CDKAL1: variants seen among roughly 807,000 people sequenced by gnomAD.
The protein encoded by CDKAL1 is threonylcarbamoyladenosine tRNA methylthiotransferase.
Under a neutral mutation model 68.2 loss-of-function variants are expected in CDKAL1, and 32 were observed. That is an observed-to-expected ratio of 0.47 (90% CI 0.35 to 0.63). CDKAL1 has a LOEUF of 0.63. Ranked by LOEUF, CDKAL1 falls within the 30% of genes least tolerant of loss-of-function variation. CDKAL1 has a pLI of 0.00. For missense variants in CDKAL1, 606 were observed against 696.7 expected (o/e 0.87, Z 1.47); for synonymous variants, 234 against 244.3 (o/e 0.96, Z 0.39).
intron 4 of CDKAL1, among the ~76,000 whole-genome samples, chr6:20,642,722 C>G (rs1164883337): frequency 8.5e-5 from 13 of 152,136 alleles, no homozygotes; most frequent in Admixed American, 8.5e-4. Flanking sequence ...AATGGAATTT[C>G]ATGAGAATTT....
At chr6:20,931,419 C>T (rs1320603721) in intron 9 of CDKAL1, among the ~76,000 whole-genome samples, 2 of 152,146 alleles carry the variant, frequency 1.3e-5, no homozygotes, top group East Asian at 1.9e-4. Flanking sequence ...ATGTCCTCAT[C>T]GTCATTGCCT....
At chr6:20,911,284 A>G (rs535146667) in intron 9 of CDKAL1, among the ~76,000 whole-genome samples, 1 of 152,240 alleles carries the variant, frequency 6.6e-6, no homozygotes, top group Non-Finnish European at 1.5e-5. Flanking sequence ...AGTAGAACCA[A>G]GAATCAAGAC....
chr6:20,752,759 A>G (rs1004709516), intron 6 of CDKAL1, among the ~76,000 whole-genome samples: 3 of 152,174 alleles, frequency 2.0e-5, no homozygotes, highest in Admixed American at 6.5e-5. Context: ...TTAAATCACT[A>G]TAGTACAATT....
chr6:20,556,098 C>T (rs1473727831), intron 4 of CDKAL1, among the ~76,000 whole-genome samples: 1 of 152,078 alleles, frequency 6.6e-6, no homozygotes, highest in Non-Finnish European at 1.5e-5. Flanking sequence ...GGTGCGATCG[C>T]TGTCGCCTGT....
chr6:20,666,376 G>A (rs1362937809), intron 5 of CDKAL1, among the ~76,000 whole-genome samples: 1 of 151,718 alleles, frequency 6.6e-6, no homozygotes, highest in Non-Finnish European at 1.5e-5. Flanking sequence ...ATAATCTTCT[G>A]TGGAAGTTGT....
At chr6:21,188,530 A>G (rs1778106666) in intron 13 of CDKAL1, among the ~76,000 whole-genome samples, 2 of 152,248 alleles carry the variant, frequency 1.3e-5, no homozygotes, top group African/African-American at 2.4e-5. Context: ...TTCAATTTTT[A>G]GGTTTGCGCT....
At chr6:21,194,170 T>C (rs11962770) in intron 13 of CDKAL1, among the ~76,000 whole-genome samples, 68 of 152,362 alleles carry the variant, frequency 4.5e-4, no homozygotes, top group African/African-American at 1.5e-3. Context: ...TTAAGGACAC[T>C]GCCTCCCAAC....
chr6:21,062,222 A>G (rs554340853), intron 11 of CDKAL1, among the ~76,000 whole-genome samples: 2 of 152,348 alleles, frequency 1.3e-5, no homozygotes, highest in South Asian at 4.1e-4. Flanking sequence ...CTTTGTTTTT[A>G]CAGTATTTCC....
intron 5 of CDKAL1, among the ~76,000 whole-genome samples, chr6:20,709,564 T>C (rs999809033): frequency 6.6e-6 from 1 of 152,180 alleles, no homozygotes; most frequent in African/African-American, 2.4e-5. Flanking sequence ...TCGATTTTAC[T>C]ACTTTATCAG....
At chr6:20,554,089 A>G (rs1373691732) in intron 4 of CDKAL1, among the ~76,000 whole-genome samples, 1 of 152,284 alleles carries the variant, frequency 6.6e-6, no homozygotes, top group East Asian at 1.9e-4. Context: ...AAGTGCTGGG[A>G]TTACAGGCAT....
intron 11 of CDKAL1, among the ~76,000 whole-genome samples, chr6:21,058,018 TCC>T (rs1276356613): frequency 6.6e-6 from 1 of 152,258 alleles, no homozygotes; most frequent in Non-Finnish European, 1.5e-5. Context: ...TCTGTAGATA[TCC>T]ATCAGGTCCA....
At chr6:21,176,549 C>CGTA (rs1321555619) in intron 13 of CDKAL1, among the ~76,000 whole-genome samples, 1 of 152,106 alleles carries the variant, frequency 6.6e-6, no homozygotes, top group East Asian at 1.9e-4. Flanking sequence ...AATTTATTTG[C>CGTA]GTAGCAAGCC....
At chr6:20,564,294 G>T (rs968026235) in intron 4 of CDKAL1, among the ~76,000 whole-genome samples, 3 of 152,140 alleles carry the variant, frequency 2.0e-5, no homozygotes, top group South Asian at 4.1e-4. Context: ...ATAAACTGAT[G>T]GTTTTTGAAT....
intron 6 of CDKAL1, among the ~76,000 whole-genome samples, chr6:20,748,555 G>GGAAAAAAAAA (rs1773766913): frequency 2.4e-4 from 7 of 28,734 alleles, no homozygotes; most frequent in African/African-American, 6.9e-4. Context: ...TCTGTTTCTG[G>GGAAAAAAAAA]AAAAAAAAAA....
intron 5 of CDKAL1, among the ~76,000 whole-genome samples, chr6:20,701,591 T>G (rs891378281): frequency 3.9e-5 from 6 of 152,158 alleles, no homozygotes; most frequent in Admixed American, 2.6e-4. Flanking sequence ...CTTTATACAG[T>G]TAGGCTTGGT....
intron 13 of CDKAL1, among the ~76,000 whole-genome samples, chr6:21,164,797 G>A (rs971323458): frequency 1.3e-5 from 2 of 152,072 alleles, no homozygotes; most frequent in African/African-American, 4.8e-5. Context: ...CCAGCTTTGT[G>A]CCAGCCTTTA....
intron 4 of CDKAL1, among the ~76,000 whole-genome samples, chr6:20,597,435 G>A (rs1247811231): frequency 1.3e-5 from 2 of 148,202 alleles, no homozygotes; most frequent in Non-Finnish European, 3.0e-5. Context: ...ATTTTTTTGA[G>A]GCAGAGTCTC....
intron 13 of CDKAL1, among the ~76,000 whole-genome samples, chr6:21,186,457 T>G (rs941418134): frequency 6.6e-6 from 1 of 152,200 alleles, no homozygotes; most frequent in African/African-American, 2.4e-5. Context: ...AATGCCACTG[T>G]TTTTTATATG....
chr6:21,130,288 G>A (rs545346757), intron 13 of CDKAL1, among the ~76,000 whole-genome samples: 102 of 146,926 alleles, frequency 6.9e-4, no homozygotes, highest in Non-Finnish European at 5.0e-4. Context: ...GCAATGGTGC[G>A]ATCTCAGCTC....
Sources: allele counts gnomAD v4.1 joint callset (sites outside exome capture counted in the v4.1 genomes callset), GRCh38; gene constraint gnomAD v4.1.1; transcripts MANE v1.5; gene names NCBI Gene and HGNC (gene_info 2026-07-23, HGNC 2026-07-21).